VGLL3: variants seen among roughly 807,000 people sequenced by gnomAD.
VGLL3 encodes the protein transcription cofactor vestigial-like protein 3.
Under a neutral mutation model 29.2 loss-of-function variants are expected in VGLL3, and 18 were observed. The observed-to-expected ratio is 0.62, with a 90% CI of 0.43 to 0.91. The LOEUF is 0.91. Among genes scored for constraint, VGLL3 ranks in the 40% least tolerant of loss-of-function variants. The pLI, the probability that VGLL3 is intolerant of heterozygous loss-of-function variation, is 0.00. For synonymous variants in VGLL3, 180 were observed against 151.8 expected (o/e 1.19, Z -1.36); for missense variants, 440 against 413.2 (o/e 1.06, Z -0.56).
At chr3:86,972,646 T>C (rs1451439327) in intron 2 of VGLL3, among the ~76,000 whole-genome samples, 2 of 152,174 alleles carry the variant, frequency 1.3e-5, no homozygotes, top group Non-Finnish European at 2.9e-5. Context: ...AGAAGACATA[T>C]GAAAAACTGC....
chr3:86,955,382 T>A, intron 3 of VGLL3, among the ~76,000 whole-genome samples: 1 of 142,744 alleles, frequency 7.0e-6, no homozygotes, highest in South Asian at 2.2e-4. Context: ...CTCTCTCTCT[T>A]TTTTTTTTTT....
chr3:86,968,504 A>G, intron 3 of VGLL3, 86 bp downstream of exon 3: 1 of 1,435,686 alleles, frequency 7.0e-7, no homozygotes, highest in Non-Finnish European at 9.3e-7. Flanking sequence ...CTTTACAGAT[A>G]AGAAAAAATA....
At chr3:86,962,529 A>G in intron 3 of VGLL3, 4 of 984,938 alleles carry the variant, frequency 4.1e-6, no homozygotes, top group Non-Finnish European at 4.8e-6. Context: ...ATGAATCTTA[A>G]CAATTTAAAT....
At chr3:86,986,783 T>G (rs1277439275) in intron 1 of VGLL3, among the ~76,000 whole-genome samples, 1 of 152,142 alleles carries the variant, frequency 6.6e-6, no homozygotes, top group Admixed American at 6.5e-5. Context: ...GATAAATAAA[T>G]ATTCATTTGC....
chr3:86,963,051 C>T (rs913666622), intron 3 of VGLL3: 7 of 205,866 alleles, frequency 3.4e-5, no homozygotes, highest in Non-Finnish European at 5.3e-5. Flanking sequence ...GTCAAGATCT[C>T]GCCATTGCAC....
rs1000912878 is a variant in VGLL3 at position 86,942,167 on chromosome 3, T to C, written c.*4857A>G. On this transcript the variant is annotated 3_prime_UTR_variant, in exon 4 of 4. Transcript: ENST00000398399. ...TTATTCTGAAAGATGTCTTTTATCT[T>C]ACAGGAAAGAAAAAAAATGAGTTTC... 1 of 152,132 alleles carries C rather than the reference T, an allele frequency of 6.6e-6. No homozygotes were observed. Among genetic ancestry groups the C allele is most frequent in the Non-Finnish European group, 1.5e-5 (1 of 68,016 alleles). 9.4% of individuals were successfully genotyped at this position (152,132 alleles called of 1,614,324 possible).
Position 86,990,862 on chromosome 3 carries a change from C to T in VGLL3, c.-119G>A. 1.7e-6 allele frequency: 2 copies of T among 1,156,950 alleles called. No homozygotes were observed. Among genetic ancestry groups the T allele is most frequent in the Non-Finnish European group, 2.1e-6 (2 of 932,254 alleles). The allele number at this position is 1,156,950 out of a possible 1,614,324, so 71.7% of individuals were successfully genotyped here. A position where few individuals can be genotyped will look rare whatever the true frequency, so the allele number is the denominator to read the frequency against. On this transcript the variant is annotated 5_prime_UTR_variant, in exon 1 of 4. Coordinates refer to ENST00000398399, the MANE Select transcript of VGLL3 (RefSeq NM_016206.4). The stretch of plus-strand genomic sequence containing the variant: ...TCTGTCGCTGCTCCAGCTGCTACTG[C>T]GGCGAAGGCGGGTCCTCGGCGGCCT...
intron 3 of VGLL3, among the ~76,000 whole-genome samples, chr3:86,967,317 G>A (rs902637887): frequency 1.3e-5 from 2 of 152,064 alleles, no homozygotes; most frequent in Admixed American, 6.6e-5. Context: ...GTTAGTATGT[G>A]GCAAAGAAAG....
chr3:86,944,564 C>T lies in VGLL3; in HGVS notation c.*2460G>A, dbSNP rs1215186539. 1 of 152,370 alleles carries T rather than the reference C, an allele frequency of 6.6e-6. No individual in the cohort carries two copies. Among genetic ancestry groups the T allele is most frequent in the East Asian group, 1.9e-4 (1 of 5,180 alleles). The allele number at this position is 152,370 out of a possible 1,614,324, so 9.4% of individuals were successfully genotyped here. On this transcript the variant is annotated 3_prime_UTR_variant, in exon 4 of 4. Transcript: ENST00000398399. The stretch of plus-strand genomic sequence containing the variant: ...CTGTGCCCAGCCTGGGTCCTGTTTT[C>T]AAAGAGAGAGCTCACTTACAAATCT...
At chr3:86,960,940 T>G (rs1365289694) in intron 3 of VGLL3, among the ~76,000 whole-genome samples, 52 of 30,262 alleles carry the variant, frequency 1.7e-3, no homozygotes, top group African/African-American at 2.4e-3. Flanking sequence ...GTGATATATA[T>G]ATATATATAT....
At chr3:86,949,329 C>G (rs937317696) in intron 3 of VGLL3, among the ~76,000 whole-genome samples, 1 of 152,082 alleles carries the variant, frequency 6.6e-6, no homozygotes, top group African/African-American at 2.4e-5. Context: ...CAATGCGAAT[C>G]TTAAAAAGTC....
At position 86,962,099 on chromosome 3, in the gene VGLL3, A is replaced by C. The variant is rs903573322; in HGVS notation, c.937+6491T>G. ...ATGGAACCCATGAAACTCAGTTTAAAGACTGATAAAGGAAAGGGAAAAAGC... is the reference window on the plus strand; with the variant it reads ...ATGGAACCCATGAAACTCAGTTTAACGACTGATAAAGGAAAGGGAAAAAGC... On this transcript the variant is annotated intron_variant, in intron 3 of 3. Transcript: ENST00000398399. The C allele has an allele frequency of 7.1e-6, 7 of 985,296 alleles. No homozygotes were observed. The African/African-American group carries it at 1.2e-4, about 17-fold the overall frequency. The allele number at this position is 985,296 out of a possible 1,614,324, so 61.0% of individuals were successfully genotyped here.
At chr3:86,985,106 T>G (rs562402758) in intron 1 of VGLL3, among the ~76,000 whole-genome samples, 1 of 152,168 alleles carries the variant, frequency 6.6e-6, no homozygotes, top group South Asian at 2.1e-4. Context: ...TTTGATTTGA[T>G]TGTCTCAGAG....
rs1704477646 is a variant in VGLL3 at position 86,945,068 on chromosome 3, C to A, written c.*1956G>T. On this transcript the variant is annotated 3_prime_UTR_variant, in exon 4 of 4. Transcript: ENST00000398399. ...TGGACCAAAGTATAGAAAATTTAAC[C>A]TGGCTACTCCCAGGAAATATAAGTT... 6.6e-6 allele frequency: 1 copy of A among 152,066 alleles called. No homozygotes were observed. The highest frequency in any genetic ancestry group is 6.6e-5 in the Admixed American group (1 of 15,258). 9.4% of individuals were successfully genotyped at this position (152,066 alleles called of 1,614,324 possible).
At chr3:86,978,228 C>A (rs1488690598) in intron 2 of VGLL3, among the ~76,000 whole-genome samples, 4 of 152,120 alleles carry the variant, frequency 2.6e-5, no homozygotes, top group Admixed American at 2.6e-4. Context: ...CAAATTGGGC[C>A]ACTGGGGCTT....
Position 86,939,008 on chromosome 3 carries a change from C to G in VGLL3, c.*8016G>C, listed in dbSNP as rs146613975. 2.0e-5 allele frequency: 3 copies of G among 152,320 alleles called. No individual in the cohort carries two copies. The highest frequency in any genetic ancestry group is 2.4e-5 in the African/African-American group (1 of 41,570). 9.4% of individuals were successfully genotyped at this position (152,320 alleles called of 1,614,324 possible). On this transcript the variant is annotated 3_prime_UTR_variant, in exon 4 of 4. Transcript: ENST00000398399. ...GCACTAGATGACCTGTTCTCCACCC[C>G]CTAGACTGCTCATCTTACATAAGTA...
chr3:86,966,824 T>C lies in VGLL3; in HGVS notation c.937+1766A>G, dbSNP rs1161390741. Among the ~76,000 whole-genome samples, 5 of 98,970 alleles carry C rather than the reference T, an allele frequency of 5.1e-5. No individual in the cohort carries two copies. In the South Asian group the frequency reaches 1.1e-3, roughly 21 times the overall value. 64.9% of individuals were successfully genotyped at this position (98,970 alleles called of 152,430 possible). A position where few individuals can be genotyped will look rare whatever the true frequency, so the allele number is the denominator to read the frequency against. Reference sequence around the variant, plus strand: ...ATATATATATATATATATATATATATAGTACCCCAGGTAATGCCTTATATT... The same window carrying C: ...ATATATATATATATATATATATATACAGTACCCCAGGTAATGCCTTATATT... On this transcript the variant is annotated intron_variant, in intron 3 of 3. Coordinates refer to ENST00000398399, the MANE Select transcript of VGLL3 (RefSeq NM_016206.4).
rs1165047194 is a variant in VGLL3, at chr3:86,978,473, C to T, written c.403+53G>A. Reference sequence around the variant, plus strand: ...GTCTCCAGCTGGAACCTGGTACAGGCAGTTGCGAAACAAAGACAGTGCCCT... The same window carrying T: ...GTCTCCAGCTGGAACCTGGTACAGGTAGTTGCGAAACAAAGACAGTGCCCT... On this transcript the variant is annotated intron_variant, in intron 2 of 3. Transcript: ENST00000398399. The T allele has an allele frequency of 3.8e-6, 6 of 1,580,184 alleles. No individual in the cohort carries two copies. The African/African-American group carries it at 6.7e-5, about 18-fold the overall frequency.
intron 1 of VGLL3, among the ~76,000 whole-genome samples, chr3:86,981,715 A>T (rs1705327904): frequency 6.6e-6 from 1 of 152,184 alleles, no homozygotes. Flanking sequence ...AAATGAAAAA[A>T]GCTTCTATCT....
Sources: gnomAD v4.1 joint callset for allele counts (sites outside exome capture counted in the v4.1 genomes callset) on GRCh38, gnomAD v4.1.1 for gene constraint, MANE v1.5 for transcripts, NCBI Gene and HGNC (gene_info 2026-07-23, HGNC 2026-07-21) for gene names.